The following TAF5 variants were observed in gnomAD, a reference collection of about 807,000 sequenced individuals.
TAF5 encodes the protein TATA-box binding protein associated factor 5.
Under a neutral mutation model 80.9 loss-of-function variants are expected in TAF5, and 20 were observed. That is an observed-to-expected ratio of 0.25 (90% confidence interval 0.17 to 0.36). The LOEUF (loss-of-function observed/expected upper bound fraction) is 0.36, where lower values mean the gene tolerates loss of function less well. Among genes scored for constraint, TAF5 ranks in the 10% least tolerant of loss-of-function variants. The pLI, the probability that TAF5 is intolerant of heterozygous loss-of-function variation, is 1.00. For synonymous variants in TAF5, 388 were observed against 406.4 expected (o/e 0.95, Z 0.55); for missense variants, 863 against 1,029.4 (o/e 0.84, Z 2.21).
rs746015516 is a variant in TAF5 at position 103,379,909 on chromosome 10, T to C, written c.1303T>C (p.Ser435Pro). 1.9e-6 allele frequency: 3 copies of C among 1,612,892 alleles called. No individual in the cohort carries two copies. In the African/African-American group the frequency reaches 4.0e-5, roughly 22 times the overall value. Residue 435 changes from serine to proline, a missense_variant, in exon 5 of 11, where the codon TCA (serine) becomes CCA (proline). Ser to Pro is a moderately conservative substitution (Grantham distance 74). Around this residue, in one of 3 missense-constraint regions of TAF5, gnomAD observed 368 missense variants for 461.7 expected, o/e 0.80. Coordinates refer to ENST00000369839, the MANE Select transcript of TAF5 (RefSeq NM_006951.5). ...NRIPLPELKD[S>P]DKLDKIMNMK... ...AATCCCTCTTCCTGAGTTGAAAGAT[T>C]CAGATAAGTTGGATAAGATAATGAA...
At chr10:103,383,600 CAG>C (rs146226006) in intron 7 of TAF5, among the ~76,000 whole-genome samples, 37,500 of 128,434 alleles carry the variant, frequency 0.29, 6,017 homozygotes, top group South Asian at 0.52. Context: ...TTTTTTGAGA[CAG>C]AGTTTCGCTC....
chr10:103,368,186 C>A lies in TAF5; in HGVS notation c.197C>A (p.Pro66His). ...GGCGGGGATGGCGGGACCCCCAAGC[C>A]CACGGTGGCTGTCTCCGCCGCTGCC... ...STGGDGGTPK[P>H]TVAVSAAAPA... The change falls in exon 1 of 11, where the codon CCC becomes CAC. Residue 66 changes from proline (P) to histidine (H), a missense_variant. Pro to His is a moderately conservative substitution (Grantham distance 77). Transcript: ENST00000369839. The A allele has an allele frequency of 7.2e-7, 1 of 1,394,532 alleles. No homozygotes were observed. The highest frequency in any genetic ancestry group is 9.3e-7 in the Non-Finnish European group (1 of 1,075,826). 86.4% of individuals were successfully genotyped at this position (1,394,532 alleles called of 1,614,324 possible).
intron 1 of TAF5, among the ~76,000 whole-genome samples, chr10:103,369,306 C>G (rs1007650064): frequency 1.3e-5 from 2 of 149,154 alleles, no homozygotes; most frequent in African/African-American, 4.9e-5. Context: ...TGTAACAGTC[C>G]TGCACATCAT....
At chr10:103,372,333 T>A (rs1592090338) in intron 1 of TAF5, among the ~76,000 whole-genome samples, 1 of 150,584 alleles carries the variant, frequency 6.6e-6, no homozygotes, top group Non-Finnish European at 1.5e-5. Context: ...CTGGGCGCGG[T>A]GGCTCGTACT....
chr10:103,376,405 T>C (rs960591683), intron 2 of TAF5, among the ~76,000 whole-genome samples: 1 of 152,074 alleles, frequency 6.6e-6, no homozygotes, highest in Non-Finnish European at 1.5e-5. Flanking sequence ...TGAGAAATGT[T>C]TAATACAAGC....
At position 103,387,277 on chromosome 10, in the gene TAF5, G is replaced by A. The variant is rs559524338; in HGVS notation, c.1932G>A (p.Thr644=). The A allele has an allele frequency of 5.0e-6, 8 of 1,614,038 alleles. No homozygotes were observed. In the East Asian group the frequency reaches 6.7e-5, roughly 13 times the overall value. The change falls in exon 9 of 11, where the codon ACG becomes ACA. Residue 644 remains threonine, a synonymous_variant. Coordinates refer to ENST00000369839, the MANE Select transcript of TAF5 (RefSeq NM_006951.5). ...ATCCAAATTCTAATTATGTTGCTAC[G>A]GGCTCTGCAGACAGAACTGTGCGGC... ...RFHPNSNYVA[T]GSADRTVRLW...
Position 103,388,665 on chromosome 10 carries a change from CTATGT to C in TAF5, c.*445_*449del, listed in dbSNP as rs2093403874. On this transcript the variant is annotated 3_prime_UTR_variant, in exon 11 of 11. Transcript: ENST00000369839. Reference sequence around the variant, plus strand: ...GTAGTTACTGTATGGCACTCAAAAACTATGTTAAATGATCCACTAACTTTTTTTTT... The same window carrying C: ...GTAGTTACTGTATGGCACTCAAAAACTAAATGATCCACTAACTTTTTTTTT... 1 of 155,600 alleles carries C rather than the reference CTATGT, an allele frequency of 6.4e-6. No homozygotes were observed. Among genetic ancestry groups the C allele is most frequent in the Non-Finnish European group, 1.4e-5 (1 of 70,290 alleles). The allele number at this position is 155,600 out of a possible 1,614,324, so 9.6% of individuals were successfully genotyped here.
intron 3 of TAF5, among the ~76,000 whole-genome samples, chr10:103,379,360 T>C (rs541418259): frequency 1.3e-5 from 2 of 152,324 alleles, no homozygotes; most frequent in East Asian, 1.9e-4. Context: ...AGTATACTTA[T>C]ATGGACATTC....
chr10:103,374,444 G>A lies in TAF5; in HGVS notation c.797+849G>A, dbSNP rs1239691546. Among the ~76,000 whole-genome samples the A allele has an allele frequency of 6.6e-6, 1 of 152,186 alleles. No homozygotes were observed. Among genetic ancestry groups the A allele is most frequent in the Non-Finnish European group, 1.5e-5 (1 of 68,042 alleles). ...CTGCTCTAAGCAGTCACATCAGTGTGCCAGTCAGCAGGTAGGGCACACGGA... is the reference window on the plus strand; with the variant it reads ...CTGCTCTAAGCAGTCACATCAGTGTACCAGTCAGCAGGTAGGGCACACGGA... On this transcript the variant is annotated intron_variant, in intron 2 of 10. Coordinates refer to ENST00000369839, the MANE Select transcript of TAF5 (RefSeq NM_006951.5). This position sits in a 1 kb window ranked among gnomAD's most constrained non-coding sequence, Gnocchi z 4.3.
rs931784092 is a variant in TAF5, at chr10:103,374,686, C to T, written c.797+1091C>T. On this transcript the variant is annotated intron_variant, in intron 2 of 10. Transcript: ENST00000369839. The surrounding 1 kb of genome is among the most constrained non-coding windows in gnomAD (Gnocchi z 4.3). ...CTACAGAGTCATTAAAGGACCATGTCGTTATTAGATATATACTTTGAAAGG... is the reference window on the plus strand; with the variant it reads ...CTACAGAGTCATTAAAGGACCATGTTGTTATTAGATATATACTTTGAAAGG... Among the ~76,000 whole-genome samples, 1 of 152,056 alleles carries T rather than the reference C, an allele frequency of 6.6e-6. No individual in the cohort carries two copies. The highest frequency in any genetic ancestry group is 2.4e-5 in the African/African-American group (1 of 41,382).
chr10:103,386,998 G>A (rs931603525), intron 8 of TAF5, among the ~76,000 whole-genome samples, 177 bp from the exon 9 acceptor site: 1 of 151,404 alleles, frequency 6.6e-6, no homozygotes, highest in Non-Finnish European at 1.5e-5. Context: ...AATTGTACCA[G>A]ATGAACTCTT....
chr10:103,385,959 A>G (rs529136502), intron 8 of TAF5, among the ~76,000 whole-genome samples: 19 of 151,334 alleles, frequency 1.3e-4, no homozygotes, highest in African/African-American at 4.6e-4. Flanking sequence ...AAAGAAAAGA[A>G]ATTGGGGCAG....
Position 103,378,783 on chromosome 10 carries a change from G to A in TAF5, c.1113+233G>A, listed in dbSNP as rs1026346944. 1.3e-5 allele frequency among the ~76,000 whole-genome samples: 2 copies of A among 151,988 alleles called. No homozygotes were observed. The highest frequency in any genetic ancestry group is 2.9e-5 in the Non-Finnish European group (2 of 67,974). On this transcript the variant is annotated intron_variant, in intron 3 of 10. Coordinates refer to ENST00000369839, the MANE Select transcript of TAF5 (RefSeq NM_006951.5). This position sits in a 1 kb window ranked among gnomAD's most constrained non-coding sequence, Gnocchi z 4.1. Reference sequence around the variant, plus strand: ...AGTGATTCTCCTGCCTCAGCTTCCCGAGTAGCTGGGATTAGAGGCACACGC... The same window carrying A: ...AGTGATTCTCCTGCCTCAGCTTCCCAAGTAGCTGGGATTAGAGGCACACGC...
chr10:103,372,182 G>A (rs753903652), intron 1 of TAF5, among the ~76,000 whole-genome samples: 2 of 151,750 alleles, frequency 1.3e-5, no homozygotes, highest in African/African-American at 4.8e-5. Flanking sequence ...TGATCTGCCC[G>A]CCTCAGCCTC....
intron 6 of TAF5, among the ~76,000 whole-genome samples, chr10:103,382,509 A>ACTGCAACCTCCACCTCC (rs2093385180): frequency 6.6e-6 from 1 of 152,026 alleles, no homozygotes; most frequent in Non-Finnish European, 1.5e-5. Flanking sequence ...TAGGTGGCTC[A>ACTGCAACCTCCACCTCC]CTGCAACCTC....
At chr10:103,387,410 T>C (rs1315105167) in intron 9 of TAF5, 58 bp downstream of exon 9, 12 of 1,555,554 alleles carry the variant, frequency 7.7e-6, no homozygotes, top group Non-Finnish European at 9.5e-6. Context: ...AAAAATATTT[T>C]TTAAACAAGT....
chr10:103,383,634 A>G (rs1343923468), intron 7 of TAF5, among the ~76,000 whole-genome samples: 2 of 147,608 alleles, frequency 1.4e-5, no homozygotes, highest in Admixed American at 6.9e-5. Context: ...GTTGGAGTGC[A>G]ATGGCGTGAT....
rs367867892 is a variant in TAF5, at chr10:103,387,532, T to G, written c.2019T>G (p.His673Gln). 1.3e-5 allele frequency: 21 copies of G among 1,613,146 alleles called. No individual in the cohort carries two copies. Among genetic ancestry groups the G allele is most frequent in the Non-Finnish European group, 1.8e-5 (21 of 1,179,674 alleles). The change falls in exon 10 of 11, where the codon CAT (histidine) becomes CAG (glutamine). Residue 673 changes from histidine to glutamine, a missense_variant. Transcript: ENST00000369839. ...RIFTGHKGPI[H>Q]SLTFSPNGRF... Reference sequence around the variant, plus strand: ...GAACTTTTTTCTAGGGACCAATTCATTCCTTGACATTTTCTCCCAATGGGA... The same window carrying G: ...GAACTTTTTTCTAGGGACCAATTCAGTCCTTGACATTTTCTCCCAATGGGA...
At chr10:103,383,816 G>A (rs2093388896) in intron 7 of TAF5, among the ~76,000 whole-genome samples, 1 of 152,070 alleles carries the variant, frequency 6.6e-6, no homozygotes, top group Non-Finnish European at 1.5e-5. Flanking sequence ...AACCTCAGGT[G>A]ATCTGCCCAC....
Sources: allele counts gnomAD v4.1 joint callset (sites outside exome capture counted in the v4.1 genomes callset), GRCh38; gene constraint gnomAD v4.1.1; regional missense constraint gnomAD v4.1.1; non-coding constraint Gnocchi (gnomAD v3.1); transcripts MANE v1.5; gene names NCBI Gene and HGNC (gene_info 2026-07-23, HGNC 2026-07-21).